The following EXOC2 variants were observed in gnomAD, a reference collection of about 807,000 sequenced individuals.
EXOC2 encodes exocyst complex component 2.
In EXOC2, 70 loss-of-function variants were observed where a neutral mutation model predicts 131.8. That is an observed-to-expected ratio of 0.53 (90% CI 0.44 to 0.65). EXOC2 has a LOEUF of 0.65. Among genes scored for constraint, EXOC2 ranks in the 30% least tolerant of loss-of-function variants. The pLI, the probability that EXOC2 is intolerant of heterozygous loss-of-function variation, is 0.00. For synonymous variants in EXOC2, 411 were observed against 398.4 expected, an observed-to-expected ratio of 1.03 and a Z score of -0.38; for missense variants, 923 against 1,108.6, an observed-to-expected ratio of 0.83 and a Z score of 2.38.
chr6:553,054 A>G (rs950761465), intron 21 of EXOC2, among the ~76,000 whole-genome samples: 2 of 152,108 alleles, frequency 1.3e-5, no homozygotes, highest in Non-Finnish European at 2.9e-5. Context: ...AGTAGCTGGG[A>G]TTACAGGCAC....
At chr6:641,898 T>C (rs1762369966) in intron 1 of EXOC2, among the ~76,000 whole-genome samples, 2 of 152,196 alleles carry the variant, frequency 1.3e-5, no homozygotes, top group Non-Finnish European at 2.9e-5. Flanking sequence ...CTCTAAAATA[T>C]GGAGCTAATC....
chr6:616,743 T>C (rs1205817254), intron 6 of EXOC2, among the ~76,000 whole-genome samples: 2 of 151,852 alleles, frequency 1.3e-5, no homozygotes, highest in Non-Finnish European at 2.9e-5. Flanking sequence ...TTTATTTATT[T>C]ATTTATTTAA....
intron 1 of EXOC2, among the ~76,000 whole-genome samples, chr6:640,165 A>C (rs1762289669): frequency 6.6e-6 from 1 of 152,204 alleles, no homozygotes; most frequent in Non-Finnish European, 1.5e-5. Context: ...ATGAAATTTC[A>C]GGGAGGAAAC....
intron 23 of EXOC2, among the ~76,000 whole-genome samples, chr6:531,901 T>C (rs2127540216): frequency 6.6e-6 from 1 of 152,370 alleles, no homozygotes; most frequent in Non-Finnish European, 1.5e-5. Context: ...GCAATAGTTA[T>C]TTTAAAAATA....
chr6:569,369 T>C (rs1335896060), intron 13 of EXOC2, among the ~76,000 whole-genome samples: 3 of 152,254 alleles, frequency 2.0e-5, no homozygotes, highest in African/African-American at 7.2e-5. Flanking sequence ...TTATTTCACA[T>C]GGCCTTCACT....
chr6:544,811 C>T (rs891981637), intron 22 of EXOC2, among the ~76,000 whole-genome samples: 4 of 152,216 alleles, frequency 2.6e-5, no homozygotes, highest in African/African-American at 9.6e-5. Context: ...TGCCCCTCCA[C>T]ACCTTTCACG....
chr6:665,939 AAAAAT>A (rs1242274944), intron 1 of EXOC2, among the ~76,000 whole-genome samples: 2 of 151,482 alleles, frequency 1.3e-5, no homozygotes, highest in Non-Finnish European at 1.5e-5. Flanking sequence ...AAATAAAAAT[AAAAAT>A]AAGAGTCAAA....
intron 22 of EXOC2, among the ~76,000 whole-genome samples, chr6:540,593 G>C (rs1396194288): frequency 2.0e-5 from 3 of 152,078 alleles, no homozygotes; most frequent in African/African-American, 7.2e-5. Flanking sequence ...AAAAGAGAGA[G>C]CTGAGGAGAT....
At chr6:603,099 C>T (rs1311550004) in intron 7 of EXOC2, among the ~76,000 whole-genome samples, 3 of 152,250 alleles carry the variant, frequency 2.0e-5, no homozygotes, top group East Asian at 1.9e-4. Context: ...AGACAGATCA[C>T]GGAAGTGATT....
intron 1 of EXOC2, among the ~76,000 whole-genome samples, chr6:689,451 A>C (rs1764815361): frequency 6.6e-6 from 1 of 152,148 alleles, no homozygotes; most frequent in African/African-American, 2.4e-5. Context: ...ATAATCCAAA[A>C]TGCACTCACT....
chr6:486,863 T>C, intron 27 of EXOC2, 99 bp from the exon 28 acceptor site: 1 of 848,696 alleles, frequency 1.2e-6, no homozygotes, highest in South Asian at 1.5e-5. Flanking sequence ...TGCCTGGGCT[T>C]GCTGTGTGGA....
At chr6:562,970 G>A (rs114967916) in intron 16 of EXOC2, 125 bp from the exon 17 acceptor site, 2 of 563,904 alleles carry the variant, frequency 3.5e-6, no homozygotes, top group African/African-American at 3.9e-5. Flanking sequence ...CTCGATGAAA[G>A]TAGGCAAAGA....
chr6:617,950 AT>A, intron 5 of EXOC2, 115 bp from the exon 6 acceptor site: 1 of 1,195,040 alleles, frequency 8.4e-7, no homozygotes, highest in Non-Finnish European at 1.1e-6. Flanking sequence ...TAGCACACAG[AT>A]TAATATCATA....
intron 10 of EXOC2, among the ~76,000 whole-genome samples, chr6:594,457 C>T (rs1759706065): frequency 6.6e-6 from 1 of 152,192 alleles, no homozygotes. Flanking sequence ...ACTCACGTAG[C>T]CCTCAGATTT....
chr6:681,936 G>A (rs1467594372), intron 1 of EXOC2, among the ~76,000 whole-genome samples: 1 of 152,186 alleles, frequency 6.6e-6, no homozygotes, highest in Non-Finnish European at 1.5e-5. Context: ...GCTAACTCCT[G>A]GAGGATTTTG....
chr6:578,686 A>T (rs1164766956), intron 11 of EXOC2, among the ~76,000 whole-genome samples: 2 of 152,270 alleles, frequency 1.3e-5, no homozygotes, highest in Non-Finnish European at 2.9e-5. Context: ...TGTGCTAAAT[A>T]AATGCTGTGC....
At chr6:572,810 G>A (rs1473314041) in intron 12 of EXOC2, among the ~76,000 whole-genome samples, 166 bp from the exon 13 acceptor site, 1 of 152,194 alleles carries the variant, frequency 6.6e-6, no homozygotes, top group East Asian at 1.9e-4. Context: ...ACCGGCAGCG[G>A]TACGCTCGTC....
At chr6:517,518 T>A (rs1004941774) in intron 23 of EXOC2, among the ~76,000 whole-genome samples, 4 of 149,462 alleles carry the variant, frequency 2.7e-5, no homozygotes, top group African/African-American at 5.0e-5. Flanking sequence ...CCCTCCTGTA[T>A]GAACTGTACT....
intron 23 of EXOC2, chr6:524,924 C>T (rs913664716): frequency 2.6e-5 from 4 of 152,094 alleles, no homozygotes; most frequent in African/African-American, 9.7e-5. Context: ...GTGCCTTCTG[C>T]AGGAGTGCTG....
Sources: gnomAD v4.1 joint callset for allele counts (sites outside exome capture counted in the v4.1 genomes callset) on GRCh38, gnomAD v4.1.1 for gene constraint, MANE v1.5 for transcripts, NCBI Gene and HGNC (gene_info 2026-07-23, HGNC 2026-07-21) for gene names.